WDR70: variants seen among roughly 807,000 people sequenced by gnomAD.
WDR70 encodes WD repeat domain 70, also known as WD repeat-containing protein 70.
WDR70 carries 53 observed loss-of-function variants against 88.6 expected under a neutral mutation model. That is an observed-to-expected ratio of 0.60 (90% CI 0.48 to 0.75). The LOEUF is 0.75. Ranked by LOEUF, WDR70 falls within the 30% of genes least tolerant of loss-of-function variation. WDR70 has a pLI of 0.00. For synonymous variants in WDR70, 280 were observed against 270.0 expected (o/e 1.04, Z -0.36); for missense variants, 610 against 823.2 (o/e 0.74, Z 3.17).
At chr5:37,410,571 T>C (rs1250549535) in intron 5 of WDR70, among the ~76,000 whole-genome samples, 1 of 152,160 alleles carries the variant, frequency 6.6e-6, no homozygotes, top group Non-Finnish European at 1.5e-5. Context: ...TTACCTTTCT[T>C]TTCCAATCAT....
intron 3 of WDR70, among the ~76,000 whole-genome samples, chr5:37,391,565 G>C (rs1046720522): frequency 6.6e-6 from 1 of 152,094 alleles, no homozygotes; most frequent in Non-Finnish European, 1.5e-5. Flanking sequence ...GTGTCCTCAA[G>C]GTTTATCCAA....
intron 5 of WDR70, among the ~76,000 whole-genome samples, chr5:37,417,565 G>A (rs1172117415): frequency 2.0e-5 from 3 of 149,976 alleles, no homozygotes; most frequent in African/African-American, 7.3e-5. Context: ...AAGAGACAGC[G>A]TATTGCTCTG....
intron 5 of WDR70, among the ~76,000 whole-genome samples, chr5:37,432,992 T>G (rs1189469271): frequency 6.6e-6 from 1 of 152,190 alleles, no homozygotes; most frequent in African/African-American, 2.4e-5. Context: ...CATTTCTCTG[T>G]AGATTGTCTT....
chr5:37,447,864 C>G (rs1342554126), intron 7 of WDR70, among the ~76,000 whole-genome samples: 1 of 152,098 alleles, frequency 6.6e-6, no homozygotes, highest in Non-Finnish European at 1.5e-5. Flanking sequence ...TGCAGCACAC[C>G]AACATGGCAC....
In WDR70 at chr5:37,465,545, C is replaced by G. The variant is rs1357863609; in HGVS notation, c.687-14289C>G. 1.3e-5 allele frequency among the ~76,000 whole-genome samples: 2 copies of G among 151,960 alleles called. 1 individual carries two copies. The highest frequency in any genetic ancestry group is 1.3e-4 in the Admixed American group (2 of 15,256). On this transcript the variant is annotated intron_variant, in intron 7 of 17. Transcript: ENST00000265107. ...GAAAAACAGTTTTATTGATAAGTAT[C>G]TGATTTGGATTTAGGAACCAGCTAG...
chr5:37,439,927 GTACACTCTTTCTGAATGTGCACACA>G (rs1750602561), intron 6 of WDR70, among the ~76,000 whole-genome samples: 1 of 151,184 alleles, frequency 6.6e-6, no homozygotes, highest in African/African-American at 2.4e-5. Flanking sequence ...ATGTGCACAC[GTACACTCTTTCTGAATGTGCACACA>G]TACACTCTTT....
intron 8 of WDR70, among the ~76,000 whole-genome samples, chr5:37,487,329 A>C (rs1381587834): frequency 6.6e-6 from 1 of 152,030 alleles, no homozygotes; most frequent in Non-Finnish European, 1.5e-5. Flanking sequence ...AACTACTATT[A>C]CTTGAAAGTA....
chr5:37,541,581 T>C (rs1741816848), intron 9 of WDR70, among the ~76,000 whole-genome samples: 1 of 152,154 alleles, frequency 6.6e-6, no homozygotes, highest in South Asian at 2.1e-4. Context: ...ATGTTTTTTT[T>C]CCATAGTCAG....
At chr5:37,451,512 C>T (rs547229560) in intron 7 of WDR70, among the ~76,000 whole-genome samples, 42 of 152,232 alleles carry the variant, frequency 2.8e-4, no homozygotes, top group African/African-American at 9.6e-4. Context: ...TATAACTACA[C>T]GTGGCTAGGT....
At chr5:37,685,876 G>A (rs1025542054) in intron 10 of WDR70, among the ~76,000 whole-genome samples, 1 of 152,128 alleles carries the variant, frequency 6.6e-6, no homozygotes, top group African/African-American at 2.4e-5. Flanking sequence ...AGTCCAGTGT[G>A]CTCTAACCCC....
intron 10 of WDR70, among the ~76,000 whole-genome samples, chr5:37,646,661 T>C (rs1745247777): frequency 6.6e-6 from 1 of 152,172 alleles, no homozygotes; most frequent in Admixed American, 6.5e-5. Context: ...AGTGTTCTTC[T>C]TTCAGCTCTT....
intron 3 of WDR70, among the ~76,000 whole-genome samples, chr5:37,385,217 C>G (rs1231952521): frequency 6.6e-6 from 1 of 152,020 alleles, no homozygotes; most frequent in Non-Finnish European, 1.5e-5. Flanking sequence ...CTAATCACAT[C>G]TAGTGGTTCA....
chr5:37,656,416 C>A (rs1048317746), intron 10 of WDR70, among the ~76,000 whole-genome samples: 1 of 152,184 alleles, frequency 6.6e-6, no homozygotes, highest in African/African-American at 2.4e-5. Flanking sequence ...TCAGGAGACA[C>A]GGGGGTCAGG....
chr5:37,599,334 T>G (rs948512925), intron 9 of WDR70, among the ~76,000 whole-genome samples: 4 of 152,224 alleles, frequency 2.6e-5, no homozygotes, highest in Non-Finnish European at 5.9e-5. Flanking sequence ...AGAAATTTAT[T>G]TGGTGCTCAT....
chr5:37,703,595 TAACTTC>T (rs78899815), intron 13 of WDR70, among the ~76,000 whole-genome samples: 36,353 of 151,878 alleles, frequency 0.24, 4,971 homozygotes, highest in Admixed American at 0.38. Flanking sequence ...ATTTCAGATT[TAACTTC>T]AACACCTTAA....
At position 37,721,335 on chromosome 5, in the gene WDR70, C is replaced by A. The variant is rs556405128; in HGVS notation, c.1517+120C>A. 288 of 858,142 alleles carry A rather than the reference C, an allele frequency of 3.4e-4. No homozygotes were observed. In the African/African-American group the frequency reaches 4.6e-3, roughly 14 times the overall value. The allele number at this position is 858,142 out of a possible 1,614,324, so 53.2% of individuals were successfully genotyped here. A position where few individuals can be genotyped will look rare whatever the true frequency, so the allele number is the denominator to read the frequency against. On this transcript the variant is annotated intron_variant, in intron 14 of 17. Coordinates refer to ENST00000265107, the MANE Select transcript of WDR70 (RefSeq NM_018034.4). ...TGGAGATCCACCCATTTAGAAAATG[C>A]AGCTGGAACAAAGTAAAGCCTCAAA...
At chr5:37,383,619 G>A (rs764495812) in intron 3 of WDR70, among the ~76,000 whole-genome samples, 2 of 151,656 alleles carry the variant, frequency 1.3e-5, no homozygotes, top group Admixed American at 1.3e-4. Context: ...TCGCTCTGTC[G>A]CCCTGGCTGG....
chr5:37,721,050 A>G (rs769791791), intron 13 of WDR70, 65 bp from the exon 14 acceptor site: 2 of 1,379,134 alleles, frequency 1.5e-6, no homozygotes, highest in African/African-American at 1.4e-5. Context: ...CCATCAAAGT[A>G]CCAGCAGGAT....
intron 10 of WDR70, among the ~76,000 whole-genome samples, chr5:37,651,000 A>G (rs1030513223): frequency 1.3e-5 from 2 of 150,692 alleles, no homozygotes; most frequent in African/African-American, 4.9e-5. Context: ...TCTGGGATAC[A>G]TGTGCAGAAT....
Sources: gnomAD v4.1 joint callset for allele counts (sites outside exome capture counted in the v4.1 genomes callset) on GRCh38, gnomAD v4.1.1 for gene constraint, MANE v1.5 for transcripts, NCBI Gene and HGNC (gene_info 2026-07-23, HGNC 2026-07-21) for gene names.